Variants in VPS13C observed in about 807,000 individuals in gnomAD.
The protein encoded by VPS13C is intermembrane lipid transfer protein VPS13C.
Under a neutral mutation model 456.8 loss-of-function variants are expected in VPS13C, and 358 were observed. That is an observed-to-expected ratio of 0.78 (90% CI 0.72 to 0.86). VPS13C has a LOEUF of 0.86. VPS13C is among the 40% of genes least tolerant of loss of function. The pLI, the probability that VPS13C is intolerant of heterozygous loss-of-function variation, is 0.00. For missense variants in VPS13C, 4,818 were observed against 4,385.4 expected, an observed-to-expected ratio of 1.10 and a Z score of -2.79; for synonymous variants, 1,578 against 1,486.7, an observed-to-expected ratio of 1.06 and a Z score of -1.41.
At chr15:62,011,706 A>G (rs1359440043) in intron 12 of VPS13C, among the ~76,000 whole-genome samples, 2 of 152,124 alleles carry the variant, frequency 1.3e-5, no homozygotes, top group East Asian at 1.9e-4. Context: ...AAAATTCTCT[A>G]GAGTGGCAGG....
intron 29 of VPS13C, 148 bp downstream of exon 29, chr15:61,967,220 G>A: frequency 1.5e-6 from 1 of 651,094 alleles, no homozygotes; most frequent in South Asian, 2.0e-5. Flanking sequence ...AGAAAAGAAG[G>A]TGTACAAATG....
intron 6 of VPS13C, among the ~76,000 whole-genome samples, chr15:62,027,537 G>C (rs2047677958): frequency 6.6e-6 from 1 of 152,046 alleles, no homozygotes; most frequent in Admixed American, 6.5e-5. Context: ...TCTGTCACAT[G>C]AATCAACCTA....
intron 9 of VPS13C, among the ~76,000 whole-genome samples, chr15:62,015,491 G>C (rs1185921090): frequency 6.6e-6 from 1 of 151,094 alleles, no homozygotes; most frequent in African/African-American, 2.4e-5. Context: ...GTTTATTGCG[G>C]CACTATTCAC....
At chr15:61,933,525 A>G (rs1361418295) in intron 49 of VPS13C, among the ~76,000 whole-genome samples, 2 of 152,112 alleles carry the variant, frequency 1.3e-5, no homozygotes, top group Non-Finnish European at 2.9e-5. Flanking sequence ...CAATTAGGGT[A>G]TATGCTCACT....
intron 53 of VPS13C, among the ~76,000 whole-genome samples, chr15:61,923,815 G>A (rs1434334009): frequency 3.6e-5 from 5 of 140,032 alleles, no homozygotes; most frequent in East Asian, 2.1e-4. Flanking sequence ...GTCTTACAAC[G>A]CCACCACACC....
At chr15:61,940,816 A>C (rs894022314) in intron 46 of VPS13C, 22 bp from the exon 47 acceptor site, 3 of 1,600,676 alleles carry the variant, frequency 1.9e-6, no homozygotes. Context: ...ACAAGAATTT[A>C]TTTTTTACTT....
chr15:61,947,987 C>G (rs1255201874), intron 42 of VPS13C, among the ~76,000 whole-genome samples: 1 of 152,168 alleles, frequency 6.6e-6, no homozygotes, highest in Non-Finnish European at 1.5e-5. Flanking sequence ...AATTTAGGAT[C>G]CATTTTCCTA....
At chr15:61,954,075 C>T (rs540616122) in intron 38 of VPS13C, among the ~76,000 whole-genome samples, 3 of 152,038 alleles carry the variant, frequency 2.0e-5, no homozygotes, top group African/African-American at 7.2e-5. Context: ...AAAATGCAGG[C>T]ATATTGTGTT....
chr15:61,964,783 G>C lies in VPS13C; in HGVS notation c.3130C>G (p.Pro1044Ala). Residue 1044 changes from proline (P) to alanine (A), a missense_variant, in exon 31 of 85, where the codon CCA becomes GCA. Physicochemically the swap from Pro to Ala is conservative, Grantham distance 27. Coordinates refer to ENST00000644861, the MANE Select transcript of VPS13C (RefSeq NM_020821.3). ...ACACTTATGCTTTGATCATCAGATGGAATAATGGTTGTGAGGTAATTAATA... is the reference window on the plus strand; with the variant it reads ...ACACTTATGCTTTGATCATCAGATGCAATAATGGTTGTGAGGTAATTAATA... ...ASINYLTTII[P>A]SDDQSISVAK... The C allele has an allele frequency of 6.2e-7, 1 of 1,612,694 alleles. No homozygotes were observed.
intron 5 of VPS13C, among the ~76,000 whole-genome samples, chr15:62,031,794 C>CT (rs2047829700): frequency 6.6e-6 from 1 of 151,890 alleles, no homozygotes; most frequent in South Asian, 2.1e-4. Flanking sequence ...ATAATAGCCT[C>CT]TTTGTCAGAC....
At chr15:61,954,873 T>C (rs1455636264) in intron 37 of VPS13C, among the ~76,000 whole-genome samples, 1 of 152,182 alleles carries the variant, frequency 6.6e-6, no homozygotes, top group African/African-American at 2.4e-5. Flanking sequence ...GGAGGTATTA[T>C]TCAAGTAGAG....
chr15:61,978,240 T>C (rs1053754290), intron 23 of VPS13C, among the ~76,000 whole-genome samples: 4 of 152,180 alleles, frequency 2.6e-5, no homozygotes, highest in East Asian at 3.9e-4. Flanking sequence ...TAGGCTAATA[T>C]AGTATAATAT....
chr15:62,004,264 G>C (rs982942433), intron 15 of VPS13C, among the ~76,000 whole-genome samples: 2 of 151,040 alleles, frequency 1.3e-5, no homozygotes, highest in African/African-American at 4.9e-5. Flanking sequence ...TGTATGTGTC[G>C]AGGAATTTAT....
In VPS13C at chr15:61,949,581, C is replaced by T. The variant is rs147742955; in HGVS notation, c.4621G>A (p.Val1541Ile). 1.2e-6 allele frequency: 2 copies of T among 1,609,240 alleles called. No homozygotes were observed. The highest frequency in any genetic ancestry group is 1.7e-6 in the Non-Finnish European group (2 of 1,178,904). Residue 1541 changes from valine to isoleucine, a missense_variant, in exon 42 of 85, where the codon GTA becomes ATA. Physicochemically the swap from Val to Ile is conservative, Grantham distance 29. This residue lies in a region of VPS13C where 4,552 missense variants were observed against 4,130.6 expected (regional missense o/e 1.10). Transcript: ENST00000644861. Reference sequence around the variant, plus strand: ...GAAAGTAAAGCTTCCAAATGAAGTACTAAGTCTAAGGATGCAAATGAAACC... The same window carrying T: ...GAAAGTAAAGCTTCCAAATGAAGTATTAAGTCTAAGGATGCAAATGAAACC... Reference protein sequence around the residue: ...LKVSFASLDLVLHLEALLSFM... With the variant: ...LKVSFASLDLILHLEALLSFM...
chr15:62,034,998 G>C lies in VPS13C; in HGVS notation c.242C>G (p.Ala81Gly). The change falls in exon 4 of 85, where the codon GCG becomes GGG. Residue 81 changes from alanine (A) to glycine (G), a missense_variant. Physicochemically the swap from Ala to Gly is moderately conservative, Grantham distance 60. This residue lies in a region of VPS13C where 4,552 missense variants were observed against 4,130.6 expected (regional missense o/e 1.10). Transcript: ENST00000644861. ...WKNLYGEAVV[A>G]TLEGLYLLVV... ...AAGCAGGTATAATCCTTCCAGGGTC[G>C]CAACAACTGCTTCTCCATAAAGGTT... 2 of 1,601,790 alleles carry C rather than the reference G, an allele frequency of 1.2e-6. No homozygotes were observed. Among genetic ancestry groups the C allele is most frequent in the Non-Finnish European group, 8.5e-7 (1 of 1,173,076 alleles).
At chr15:61,861,361 G>A (rs1219528925) in intron 82 of VPS13C, among the ~76,000 whole-genome samples, 4 of 151,980 alleles carry the variant, frequency 2.6e-5, no homozygotes, top group Non-Finnish European at 5.9e-5. Context: ...AATTTTACTG[G>A]AACACAGCTA....
intron 15 of VPS13C, 96 bp downstream of exon 15, chr15:62,007,212 C>G (rs2046881073): frequency 1.0e-6 from 1 of 998,288 alleles, no homozygotes; most frequent in Non-Finnish European, 1.3e-6. Context: ...GAATTCTGTT[C>G]TTCCTAAAAT....
At chr15:61,969,010 A>T (rs2045465759) in intron 28 of VPS13C, among the ~76,000 whole-genome samples, 1 of 152,146 alleles carries the variant, frequency 6.6e-6, no homozygotes, top group South Asian at 2.1e-4. Context: ...CCCTAGGGCC[A>T]CATTTCCAGG....
At chr15:61,863,614 AGTGTTAGG>A in intron 81 of VPS13C, 86 bp from the exon 82 acceptor site, 1 of 798,720 alleles carries the variant, frequency 1.3e-6, no homozygotes. Context: ...TTATAATAAT[AGTGTTAGG>A]AAAAAATTAA....
Sources: gnomAD v4.1 joint callset for allele counts (sites outside exome capture counted in the v4.1 genomes callset) on GRCh38, gnomAD v4.1.1 for gene constraint, gnomAD v4.1.1 regional missense constraint, MANE v1.5 for transcripts, NCBI Gene and HGNC (gene_info 2026-07-23, HGNC 2026-07-21) for gene names.